The following RNF216 variants were observed in gnomAD, a reference collection of about 807,000 sequenced individuals.
The protein encoded by RNF216 is E3 ubiquitin-protein ligase RNF216.
A neutral mutation model predicts 110.8 loss-of-function variants in RNF216; 72 were observed. That is an observed-to-expected ratio of 0.65 (90% CI 0.54 to 0.79). RNF216 has a LOEUF of 0.79. Among genes scored for constraint, RNF216 ranks in the 30% least tolerant of loss-of-function variants. RNF216 has a pLI of 0.00. For missense variants in RNF216, 1,342 were observed against 1,141.2 expected (o/e 1.18, Z -2.54); for synonymous variants, 495 against 407.5 (o/e 1.21, Z -2.59).
At chr7:5,623,310 A>C in intron 16 of RNF216, 131 bp from the exon 17 acceptor site, 1 of 701,900 alleles carries the variant, frequency 1.4e-6, no homozygotes, top group Non-Finnish European at 2.2e-6. Context: ...AAACGTGGAC[A>C]CCTCCCAAAT....
chr7:5,759,633 C>CTT (rs560025609), intron 2 of RNF216, among the ~76,000 whole-genome samples: 3 of 131,182 alleles, frequency 2.3e-5, no homozygotes, highest in African/African-American at 5.7e-5. Context: ...CATTTTTCTT[C>CTT]TTTTTTTTTT....
chr7:5,728,901 C>T (rs1396956554), intron 7 of RNF216, among the ~76,000 whole-genome samples: 2 of 152,214 alleles, frequency 1.3e-5, no homozygotes, highest in East Asian at 1.9e-4. Context: ...TCATGGAAGA[C>T]GCCTGTGTTA....
chr7:5,712,764 G>T lies in RNF216; in HGVS notation c.1933C>A (p.Arg645=). ...GCCGCAACCTCCTCCTCGGCTTTTC[G>T]CTCATAGTACTTATACAGGATGGTC... is the stretch of plus-strand genomic sequence containing the variant. ...PQTILYKYYE[R]KAEEEVAAAY... Residue 645 remains arginine (R), a synonymous_variant, in exon 12 of 17, where the codon CGA becomes AGA. Transcript: ENST00000389902. 6.2e-7 allele frequency: 1 copy of T among 1,614,010 alleles called. No homozygotes were observed. Among genetic ancestry groups the T allele is most frequent in the South Asian group, 1.1e-5 (1 of 91,070 alleles).
intron 1 of RNF216, among the ~76,000 whole-genome samples, chr7:5,771,995 A>G (rs1385899584): frequency 1.3e-5 from 2 of 152,240 alleles, no homozygotes; most frequent in African/African-American, 2.4e-5. Flanking sequence ...GCACTTTGGA[A>G]GGCCGAGGCG....
chr7:5,774,392 T>C lies in RNF216; in HGVS notation c.-70+7149A>G, dbSNP rs551747834. Among the ~76,000 whole-genome samples, 9 of 152,350 alleles carry C rather than the reference T, an allele frequency of 5.9e-5. No homozygotes were observed. The East Asian group carries it at 1.5e-3, about 26-fold the overall frequency. On this transcript the variant is annotated intron_variant, in intron 1 of 16. Coordinates refer to ENST00000389902, the MANE Select transcript of RNF216 (RefSeq NM_207111.4). ...GTTCAATGCTGCAAGTAAGCTATGA[T>C]AGCACCATTGCACTCCAGCATAGGC...
At position 5,741,408 on chromosome 7, in the gene RNF216, G is replaced by C; in HGVS notation, c.609C>G (p.Asp203Glu). Residue 203 changes from aspartate (D) to glutamate (E), a missense_variant, in exon 4 of 17, where the codon GAC (aspartate) becomes GAG (glutamate). By Grantham distance (45) the Asp-to-Glu change is conservative. Transcript: ENST00000389902. ...PLETQNQSSE[D>E]SETELLSNLG... ...GATTTGATAACAGCTCTGTCTCTGA[G>C]TCTTCGGATGACTGGTTCTGAGTTT... 6.2e-7 allele frequency: 1 copy of C among 1,614,212 alleles called. No individual in the cohort carries two copies. The highest frequency in any genetic ancestry group is 8.5e-7 in the Non-Finnish European group (1 of 1,180,024).
At chr7:5,764,554 G>A (rs773781502) in intron 1 of RNF216, among the ~76,000 whole-genome samples, 8 of 151,558 alleles carry the variant, frequency 5.3e-5, no homozygotes, top group Non-Finnish European at 1.2e-4. Flanking sequence ...AGGTTGAGGC[G>A]AGAGAATCGC....
At chr7:5,664,695 G>T (rs543616681) in intron 13 of RNF216, among the ~76,000 whole-genome samples, 162 of 152,344 alleles carry the variant, frequency 1.1e-3, no homozygotes, top group Non-Finnish European at 1.7e-3. Flanking sequence ...CCAAGGGTAG[G>T]CTGCACGCTT....
At chr7:5,759,029 G>A (rs1316182883) in intron 2 of RNF216, among the ~76,000 whole-genome samples, 1 of 152,048 alleles carries the variant, frequency 6.6e-6, no homozygotes, top group African/African-American at 2.4e-5. Context: ...TCATGGGGGT[G>A]GTATTTCATA....
At chr7:5,750,089 T>A (rs1000213024) in intron 3 of RNF216, among the ~76,000 whole-genome samples, 1 of 152,228 alleles carries the variant, frequency 6.6e-6, no homozygotes, top group African/African-American at 2.4e-5. Flanking sequence ...TATGGCAATA[T>A]CATTATTTGC....
At chr7:5,748,723 A>G (rs1377352161) in intron 3 of RNF216, among the ~76,000 whole-genome samples, 1 of 152,054 alleles carries the variant, frequency 6.6e-6, no homozygotes, top group Non-Finnish European at 1.5e-5. Context: ...GTAGTTAAGT[A>G]GTTATTAAGT....
intron 1 of RNF216, among the ~76,000 whole-genome samples, chr7:5,771,940 A>G (rs537495561): frequency 2.2e-4 from 33 of 152,018 alleles, no homozygotes; most frequent in Non-Finnish European, 4.1e-4. Context: ...AATGTAAACT[A>G]AAACCACAAG....
In RNF216 at chr7:5,735,601, C is replaced by G. The variant is rs529479964; in HGVS notation, c.1121+3675G>C. ...AGAAATTTGTGGGCTAAAAGAACAC[C>G]CCTGAAGAAATCATCCAGAACGCAT... is the stretch of plus-strand genomic sequence containing the variant. On this transcript the variant is annotated intron_variant, in intron 5 of 16. Coordinates refer to ENST00000389902, the MANE Select transcript of RNF216 (RefSeq NM_207111.4). Among the ~76,000 whole-genome samples, 8 of 152,064 alleles carry G rather than the reference C, an allele frequency of 5.3e-5. No homozygotes were observed. In the East Asian group the frequency reaches 5.8e-4, roughly 11 times the overall value.
intron 1 of RNF216, among the ~76,000 whole-genome samples, chr7:5,774,150 C>G (rs1174299079): frequency 6.7e-6 from 1 of 150,142 alleles, no homozygotes; most frequent in African/African-American, 2.5e-5. Context: ...GTCTTTTAAT[C>G]TGGGCTTCGG....
intron 14 of RNF216, 145 bp from the exon 15 acceptor site, chr7:5,641,521 G>C (rs1787732744): frequency 5.8e-6 from 4 of 684,962 alleles, no homozygotes; most frequent in Admixed American, 2.9e-5. Context: ...CTAGGTTTTG[G>C]AGTCTGAGAA....
At chr7:5,653,949 C>G (rs1287314405) in intron 13 of RNF216, among the ~76,000 whole-genome samples, 1 of 152,240 alleles carries the variant, frequency 6.6e-6, no homozygotes, top group Non-Finnish European at 1.5e-5. Context: ...CCAGACCAGG[C>G]AAGGCCTTGA....
intron 1 of RNF216, among the ~76,000 whole-genome samples, chr7:5,776,839 T>A (rs1313422523): frequency 2.2e-5 from 3 of 134,292 alleles, no homozygotes; most frequent in Non-Finnish European, 4.6e-5. Context: ...AGGAGGAGGT[T>A]GCAGTGAGCT....
Position 5,715,275 on chromosome 7 carries a change from C to T in RNF216, c.1696-85G>A, listed in dbSNP as rs12539336. On this transcript the variant is annotated intron_variant, in intron 10 of 16. Transcript: ENST00000389902. ...GTCTCCCATCCTCATCTCTCTGCCA[C>T]CCCCCACACAAATTCTGAGGTAAAG... 433 of 1,378,656 alleles carry T rather than the reference C, an allele frequency of 3.1e-4. 1 individual carries two copies. In the African/African-American group the frequency reaches 5.4e-3, roughly 17 times the overall value. The allele number at this position is 1,378,656 out of a possible 1,614,324, so 85.4% of individuals were successfully genotyped here. A position where few individuals can be genotyped will look rare whatever the true frequency, so the allele number is the denominator to read the frequency against.
At chr7:5,744,774 A>G (rs1794946793) in intron 3 of RNF216, among the ~76,000 whole-genome samples, 1 of 152,098 alleles carries the variant, frequency 6.6e-6, no homozygotes, top group Non-Finnish European at 1.5e-5. Flanking sequence ...GAAGTTTGAG[A>G]CCAGCCTGAC....
Sources: gnomAD v4.1 joint callset for allele counts (sites outside exome capture counted in the v4.1 genomes callset) on GRCh38, gnomAD v4.1.1 for gene constraint, MANE v1.5 for transcripts, NCBI Gene and HGNC (gene_info 2026-07-23, HGNC 2026-07-21) for gene names.